The following GRID1 variants were observed in gnomAD, a reference collection of about 807,000 sequenced individuals.
GRID1 encodes glutamate ionotropic receptor delta type subunit 1.
Under a neutral mutation model 98.0 loss-of-function variants are expected in GRID1, and 28 were observed. The observed-to-expected ratio is 0.29, with a 90% confidence interval of 0.21 to 0.39. The LOEUF is 0.39. Among genes scored for constraint, GRID1 ranks in the 10% least tolerant of loss-of-function variants. The probability of loss-of-function intolerance (pLI) is 1.00; values close to 1 mark genes in which losing one functional copy is unlikely to be tolerated. For missense variants in GRID1, 1,111 were observed against 1,340.5 expected, an observed-to-expected ratio of 0.83 and a Z score of 2.67; for synonymous variants, 553 against 538.5, an observed-to-expected ratio of 1.03 and a Z score of -0.37.
rs1396985844 is a variant in GRID1, at chr10:85,662,468, G to A, written c.1998-15071C>T. ...AAGGAGCCGCTGGGCCAGCAACGCGGCTGTGGGTGGAGCCATCTCAGCCGA... is the reference window on the plus strand; with the variant it reads ...AAGGAGCCGCTGGGCCAGCAACGCGACTGTGGGTGGAGCCATCTCAGCCGA... On this transcript the variant is annotated intron_variant, in intron 12 of 15. Coordinates refer to ENST00000327946, the MANE Select transcript of GRID1 (RefSeq NM_017551.3). 2.0e-5 allele frequency among the ~76,000 whole-genome samples: 3 copies of A among 152,322 alleles called. No homozygotes were observed. In the East Asian group the frequency reaches 5.8e-4, roughly 29 times the overall value.
At chr10:85,840,788 GA>G (rs1410263909) in intron 8 of GRID1, among the ~76,000 whole-genome samples, 1 of 152,092 alleles carries the variant, frequency 6.6e-6, no homozygotes, top group Non-Finnish European at 1.5e-5. Flanking sequence ...CCAAGGAAGT[GA>G]AAGATCTCTA....
chr10:86,038,638 C>A (rs2131897506), intron 4 of GRID1, among the ~76,000 whole-genome samples: 1 of 152,376 alleles, frequency 6.6e-6, no homozygotes, highest in South Asian at 2.1e-4. Flanking sequence ...GCACTGTGTT[C>A]AGACACACAT....
intron 2 of GRID1, chr10:86,264,709 A>C (rs1447540595): frequency 2.1e-6 from 1 of 480,934 alleles, no homozygotes; most frequent in East Asian, 6.4e-5. Flanking sequence ...CTGCCCAGGC[A>C]GCTGCAGGCC....
At chr10:85,863,288 AGAG>A (rs1590270713) in intron 6 of GRID1, among the ~76,000 whole-genome samples, 2 of 152,282 alleles carry the variant, frequency 1.3e-5, no homozygotes, top group East Asian at 1.9e-4. Context: ...GCAGAGTGGA[AGAG>A]GAGAAGTCTG....
At chr10:86,334,222 A>G (rs1173495636) in intron 2 of GRID1, among the ~76,000 whole-genome samples, 1 of 152,156 alleles carries the variant, frequency 6.6e-6, no homozygotes, top group Non-Finnish European at 1.5e-5. Context: ...CTGCTCACAT[A>G]TCAATTAAAA....
intron 4 of GRID1, among the ~76,000 whole-genome samples, chr10:85,927,932 A>G (rs1338024992): frequency 6.6e-6 from 1 of 152,238 alleles, no homozygotes; most frequent in Non-Finnish European, 1.5e-5. Flanking sequence ...ACAGCAGGGT[A>G]TGGGGCATTG....
intron 2 of GRID1, among the ~76,000 whole-genome samples, chr10:86,293,232 C>A (rs896497654): frequency 2.6e-5 from 4 of 152,180 alleles, no homozygotes; most frequent in East Asian, 1.9e-4. Context: ...GTGGCCCATG[C>A]AGGGCTGCCA....
chr10:85,962,242 C>T (rs1842277824), intron 4 of GRID1, among the ~76,000 whole-genome samples: 1 of 152,184 alleles, frequency 6.6e-6, no homozygotes, highest in Admixed American at 6.5e-5. Context: ...CATTCCTTTC[C>T]AGCATCCCCG....
At chr10:86,250,730 G>C (rs1846812421) in intron 2 of GRID1, among the ~76,000 whole-genome samples, 1 of 151,632 alleles carries the variant, frequency 6.6e-6, no homozygotes, top group African/African-American at 2.4e-5. Flanking sequence ...GGAGGTGGGG[G>C]GCGCCTCTGC....
chr10:86,185,204 T>G (rs1312794914), intron 3 of GRID1, among the ~76,000 whole-genome samples: 2 of 152,158 alleles, frequency 1.3e-5, no homozygotes, highest in Admixed American at 1.3e-4. Context: ...TGCTGATTTT[T>G]GTCAGATTTA....
At chr10:86,335,653 A>C (rs151202214) in intron 2 of GRID1, among the ~76,000 whole-genome samples, 179 of 152,320 alleles carry the variant, frequency 1.2e-3, no homozygotes, top group Middle Eastern at 3.4e-3. Context: ...AAACACACTC[A>C]TGAGGTCTCT....
chr10:86,317,453 T>C (rs889452994), intron 2 of GRID1, among the ~76,000 whole-genome samples: 4 of 152,236 alleles, frequency 2.6e-5, no homozygotes, highest in Non-Finnish European at 5.9e-5. Flanking sequence ...ATAGCTTTGA[T>C]GGTGTTTTTC....
At chr10:86,325,463 G>A (rs567102282) in intron 2 of GRID1, among the ~76,000 whole-genome samples, 26 of 152,098 alleles carry the variant, frequency 1.7e-4, no homozygotes, top group Non-Finnish European at 3.5e-4. Context: ...AGACAGCACA[G>A]TCTTCCATGT....
At chr10:85,773,336 A>C (rs1045266966) in intron 8 of GRID1, among the ~76,000 whole-genome samples, 12 of 152,166 alleles carry the variant, frequency 7.9e-5, no homozygotes, top group Non-Finnish European at 1.5e-5. Context: ...AAATAATAAG[A>C]GCTATCTATG....
At chr10:85,933,336 T>C (rs1841884599) in intron 4 of GRID1, among the ~76,000 whole-genome samples, 1 of 146,806 alleles carries the variant, frequency 6.8e-6, no homozygotes, top group Admixed American at 6.8e-5. Context: ...CAGGGGTATA[T>C]ACACAGGCTT....
chr10:86,172,127 C>A (rs1845497533), intron 3 of GRID1, among the ~76,000 whole-genome samples: 1 of 152,106 alleles, frequency 6.6e-6, no homozygotes, highest in Non-Finnish European at 1.5e-5. Context: ...AAAAAAGGAA[C>A]CTCATTACCA....
chr10:85,868,653 A>G (rs1017938792), intron 6 of GRID1, among the ~76,000 whole-genome samples: 5 of 152,214 alleles, frequency 3.3e-5, no homozygotes, highest in African/African-American at 1.2e-4. Context: ...AACAGGTTCA[A>G]AATGATCACT....
chr10:86,023,762 C>T (rs1843080428), intron 4 of GRID1, among the ~76,000 whole-genome samples: 1 of 152,170 alleles, frequency 6.6e-6, no homozygotes, highest in Admixed American at 6.5e-5. Context: ...TCCTCCCAGA[C>T]TCCGCCTTAT....
At position 85,821,539 on chromosome 10, in the gene GRID1, A is replaced by AAAAAAAAAAAAAAAAAGCAAACAAAC. The variant is rs770693495; in HGVS notation, c.1233+32956_1233+32957insGTTTGTTTGCTTTTTTTTTTTTTTTT. On this transcript the variant is annotated intron_variant, in intron 8 of 15. Transcript: ENST00000327946. Reference sequence around the variant, plus strand: ...CTCAAAAAAAAAAAAAAAAAAAAAAAAAAAAAGAAAACAGATCAATAGTTG... The same window carrying AAAAAAAAAAAAAAAAAGCAAACAAAC: ...CTCAAAAAAAAAAAAAAAAAAAAAAAAAAAAAAAAAAAAAAAGCAAACAAACAAAAAAGAAAACAGATCAATAGTTG... 7.5e-4 allele frequency among the ~76,000 whole-genome samples: 73 copies of AAAAAAAAAAAAAAAAAGCAAACAAAC among 97,616 alleles called. 7 individuals are homozygous for AAAAAAAAAAAAAAAAAGCAAACAAAC. Among genetic ancestry groups the AAAAAAAAAAAAAAAAAGCAAACAAAC allele is most frequent in the Non-Finnish European group, 9.6e-4 (44 of 45,676 alleles). 64.0% of individuals were successfully genotyped at this position (97,616 alleles called of 152,430 possible). A position where few individuals can be genotyped will look rare whatever the true frequency, so the allele number is the denominator to read the frequency against.
Sources: gnomAD v4.1 joint callset for allele counts (sites outside exome capture counted in the v4.1 genomes callset) on GRCh38, gnomAD v4.1.1 for gene constraint, MANE v1.5 for transcripts, NCBI Gene and HGNC (gene_info 2026-07-23, HGNC 2026-07-21) for gene names.